The following KBTBD3 variants were observed in gnomAD, a reference collection of about 807,000 sequenced individuals.
KBTBD3 encodes the protein kelch repeat and BTB domain-containing protein 3.
KBTBD3 carries 38 observed loss-of-function variants against 49.6 expected under a neutral mutation model. That is an observed-to-expected ratio of 0.77 (90% confidence interval 0.59 to 1.00). The LOEUF (loss-of-function observed/expected upper bound fraction) is 1.00, where lower values mean the gene tolerates loss of function less well. KBTBD3 is among the 50% of genes least tolerant of loss of function. The pLI is 0.00. For synonymous variants in KBTBD3, 214 were observed against 250.4 expected (o/e 0.85, Z 1.37); for missense variants, 661 against 712.0 (o/e 0.93, Z 0.81).
chr11:106,064,545 A>AAATAAATAAATT (rs1410738328), intron 2 of KBTBD3, among the ~76,000 whole-genome samples: 2 of 151,710 alleles, frequency 1.3e-5, no homozygotes, highest in African/African-American at 4.8e-5. Flanking sequence ...CTCTGTTTCT[A>AAATAAATAAATT]AATAAATAAA....
chr11:106,074,121 C>T (rs78179415), intron 2 of KBTBD3, among the ~76,000 whole-genome samples: 33 of 148,844 alleles, frequency 2.2e-4, no homozygotes, highest in Middle Eastern at 6.8e-3. Flanking sequence ...CACCCCCCCC[C>T]ACACACATAC....
intron 2 of KBTBD3, among the ~76,000 whole-genome samples, chr11:106,072,204 C>G (rs1040177434): frequency 5.3e-5 from 8 of 152,034 alleles, no homozygotes; most frequent in African/African-American, 1.9e-4. Flanking sequence ...CACTAATGCT[C>G]TAAACAGAGA....
chr11:106,062,885 A>G (rs1383647061), intron 2 of KBTBD3, among the ~76,000 whole-genome samples: 1 of 152,250 alleles, frequency 6.6e-6, no homozygotes, highest in Admixed American at 6.5e-5. Context: ...CATAAAGACA[A>G]TTATATATGG....
chr11:106,069,938 A>G (rs911836048), intron 2 of KBTBD3, among the ~76,000 whole-genome samples: 7 of 152,100 alleles, frequency 4.6e-5, no homozygotes, highest in Non-Finnish European at 8.8e-5. Context: ...GCAATACACA[A>G]TTGAGAAGTA....
chr11:106,052,890 T>C lies in KBTBD3; in HGVS notation c.1799A>G (p.Asn600Ser). Residue 600 changes from asparagine (N) to serine (S), a missense_variant, in exon 4 of 4, where the codon AAT (asparagine) becomes AGT (serine). By Grantham distance (46) the Asn-to-Ser change is conservative (BLOSUM62 1). Transcript: ENST00000531837. The stretch of plus-strand genomic sequence containing the variant: ...AGAAAACCATGGGTCTCTGTATTTA[T>C]TAAACTGAATCACCTGGCAGTAAAA... ...TEFYCQVIQF[N>S]KYRDPWFSNL... 1.2e-6 allele frequency: 2 copies of C among 1,613,566 alleles called. No homozygotes were observed. Among genetic ancestry groups the C allele is most frequent in the Non-Finnish European group, 1.7e-6 (2 of 1,179,606 alleles).
In KBTBD3 at chr11:106,076,200, T is replaced by C. The variant is rs367913642; in HGVS notation, c.-13+307A>G. 4.6e-5 allele frequency: 7 copies of C among 152,370 alleles called. No homozygotes were observed. The East Asian group carries it at 1.2e-3, about 25-fold the overall frequency. 9.4% of individuals were successfully genotyped at this position (152,370 alleles called of 1,614,324 possible). A position where few individuals can be genotyped will look rare whatever the true frequency, so the allele number is the denominator to read the frequency against. ...TTACACTGTCTCTTATTGTACTTTTTATGCGTATGATTTATTTGCCTTACC... is the reference window on the plus strand; with the variant it reads ...TTACACTGTCTCTTATTGTACTTTTCATGCGTATGATTTATTTGCCTTACC... On this transcript the variant is annotated intron_variant, in intron 2 of 3. Coordinates refer to ENST00000531837, the MANE Select transcript of KBTBD3 (RefSeq NM_198439.3).
In KBTBD3 at chr11:106,053,133, T is replaced by C. The variant is rs1565399942; in HGVS notation, c.1556A>G (p.Tyr519Cys). Residue 519 changes from tyrosine (Y) to cysteine (C), a missense_variant, in exon 4 of 4, where the codon TAT becomes TGT. Physicochemically the swap from Tyr to Cys is radical, Grantham distance 194 (BLOSUM62 -2). Transcript: ENST00000531837. ...CTLYICDLST[Y>C]KVYSFCPDTC... ...GTCTGGACAAAAACTATAAACCTTA[T>C]AGGTGGAAAGGTCACATATATACAG... 6.2e-7 allele frequency: 1 copy of C among 1,613,646 alleles called. No individual in the cohort carries two copies. The highest frequency in any genetic ancestry group is 1.1e-5 in the South Asian group (1 of 91,064).
intron 2 of KBTBD3, among the ~76,000 whole-genome samples, chr11:106,063,428 G>A (rs564688982): frequency 1.2e-4 from 18 of 152,258 alleles, no homozygotes; most frequent in South Asian, 6.2e-4. Context: ...CTCAAACTCC[G>A]TTAAATTTTA....
intron 2 of KBTBD3, among the ~76,000 whole-genome samples, chr11:106,071,845 T>A (rs192481222): frequency 1.6e-4 from 25 of 152,282 alleles, no homozygotes; most frequent in Non-Finnish European, 2.5e-4. Flanking sequence ...GAGACTTAAA[T>A]GATACAATGA....
At chr11:106,058,784 T>C in intron 3 of KBTBD3, 81 bp downstream of exon 3, 1 of 783,348 alleles carries the variant, frequency 1.3e-6, no homozygotes, top group East Asian at 2.9e-5. Flanking sequence ...CATGTTCTTG[T>C]GGGGAAAAAC....
intron 2 of KBTBD3, among the ~76,000 whole-genome samples, chr11:106,064,921 A>T (rs1371680577): frequency 6.6e-6 from 1 of 152,244 alleles, no homozygotes; most frequent in East Asian, 1.9e-4. Context: ...CTAATGTGAT[A>T]GAAGAAGTTA....
chr11:106,074,516 G>A (rs1860991576), intron 2 of KBTBD3, among the ~76,000 whole-genome samples: 1 of 152,066 alleles, frequency 6.6e-6, no homozygotes, highest in South Asian at 2.1e-4. Context: ...TCGTCTTTTA[G>A]TTTCTGTGCC....
At chr11:106,060,296 T>C (rs1565403046) in intron 2 of KBTBD3, among the ~76,000 whole-genome samples, 2 of 151,948 alleles carry the variant, frequency 1.3e-5, no homozygotes, top group South Asian at 4.1e-4. Context: ...TAACTATATA[T>C]AACTACAAAA....
rs373587977 is a variant in KBTBD3 at position 106,053,801 on chromosome 11, G to C, written c.888C>G (p.Tyr296Ter). 6 of 1,613,746 alleles carry C rather than the reference G, an allele frequency of 3.7e-6. No homozygotes were observed. The highest frequency in any genetic ancestry group is 5.1e-6 in the Non-Finnish European group (6 of 1,179,882). Residue 296 changes from tyrosine (Y) to a stop codon, truncating the protein, a stop_gained, in exon 4 of 4, where the codon TAC (tyrosine) becomes TAG (stop). Transcript: ENST00000531837. LOFTEE classifies it high-confidence loss of function. ...PDARPSTTEK[Y>*]IFIHKTEENG... ...TTTCCTCAGTTTTGTGAATGAATAT[G>C]TATTTCTCAGTTGTGGATGGTCGAG... is the stretch of plus-strand genomic sequence containing the variant.
chr11:106,052,289 C>CT lies in KBTBD3; in HGVS notation c.*560dup, dbSNP rs1395302167. 1 of 151,454 alleles carries CT rather than the reference C, an allele frequency of 6.6e-6. No individual in the cohort carries two copies. The highest frequency in any genetic ancestry group is 2.4e-5 in the African/African-American group (1 of 41,230). 9.4% of individuals were successfully genotyped at this position (151,454 alleles called of 1,614,324 possible). ...TGGCATTATAACATGGTACATTATGCTTTTAATGAAAAAATGAGTCATTAA... is the reference window on the plus strand; with the variant it reads ...TGGCATTATAACATGGTACATTATGCTTTTTAATGAAAAAATGAGTCATTAA... On this transcript the variant is annotated 3_prime_UTR_variant, in exon 4 of 4. Transcript: ENST00000531837.
rs1861037121 is a variant in KBTBD3, at chr11:106,076,698, C to T, written c.-204G>A. The T allele has an allele frequency of 1.3e-5, 2 of 152,214 alleles. No homozygotes were observed. Among genetic ancestry groups the T allele is most frequent in the Admixed American group, 6.5e-5 (1 of 15,288 alleles). The allele number at this position is 152,214 out of a possible 1,614,324, so 9.4% of individuals were successfully genotyped here. ...TCATACGAGAGTCAACAACAGCCTA[C>T]ACGGAACAACTAAGGAAACAGACAT... is the stretch of plus-strand genomic sequence containing the variant. On this transcript the variant is annotated 5_prime_UTR_variant, in exon 2 of 4. Coordinates refer to ENST00000531837, the MANE Select transcript of KBTBD3 (RefSeq NM_198439.3).
rs1292294859 is a variant in KBTBD3, at chr11:106,065,893, A to G, written c.-12-6784T>C. Among the ~76,000 whole-genome samples, 4 of 149,252 alleles carry G rather than the reference A, an allele frequency of 2.7e-5. No individual in the cohort carries two copies. The East Asian group carries it at 8.0e-4, about 30-fold the overall frequency. On this transcript the variant is annotated intron_variant, in intron 2 of 3. Coordinates refer to ENST00000531837, the MANE Select transcript of KBTBD3 (RefSeq NM_198439.3). ...GGAGAATCGCTTGAACCCAGGAGGCAGAGGTTGCAGTAAGCTGAGATCACA... is the reference window on the plus strand; with the variant it reads ...GGAGAATCGCTTGAACCCAGGAGGCGGAGGTTGCAGTAAGCTGAGATCACA...
rs745736380 is a variant in KBTBD3, at chr11:106,052,982, C to T, written c.1707G>A (p.Val569=). The T allele has an allele frequency of 9.9e-6, 16 of 1,613,804 alleles. No individual in the cohort carries two copies. Among genetic ancestry groups the T allele is most frequent in the Non-Finnish European group, 1.3e-5 (15 of 1,179,772 alleles). The part of the protein sequence containing the change: ...DYAPDEITDE[V]QVYHSNRSEW... The stretch of plus-strand genomic sequence containing the variant: ...CAGACCTGTTGCTGTGGTAGACCTG[C>T]ACTTCATCTGTGATTTCATCTGGTG... Residue 569 remains valine (V), a synonymous_variant, in exon 4 of 4, where the codon GTG becomes GTA. Coordinates refer to ENST00000531837, the MANE Select transcript of KBTBD3 (RefSeq NM_198439.3).
rs1477747427 is a variant in KBTBD3 at position 106,058,953 on chromosome 11, T to A, written c.145A>T (p.Asn49Tyr). 6.4e-7 allele frequency: 1 copy of A among 1,569,358 alleles called. No individual in the cohort carries two copies. Among genetic ancestry groups the A allele is most frequent in the Admixed American group, 2.1e-5 (1 of 47,152 alleles). The change falls in exon 3 of 4, where the codon AAT becomes TAT. Residue 49 changes from asparagine to tyrosine, a missense_variant. By Grantham distance (143) the Asn-to-Tyr change is moderately radical (BLOSUM62 -2). Transcript: ENST00000531837. ...ATTATTTTGAAATCATAAAAGACAT[T>A]TTGTTCTCTAAAATTCTGTAGTACA... ...LSVLQNFREQ[N>Y]VFYDFKIIMK...
Sources: allele counts gnomAD v4.1 joint callset (sites outside exome capture counted in the v4.1 genomes callset), GRCh38; gene constraint gnomAD v4.1.1; transcripts MANE v1.5; gene names NCBI Gene and HGNC (gene_info 2026-07-23, HGNC 2026-07-21).